The following TMEM209 variants were observed in gnomAD, a reference collection of about 807,000 sequenced individuals.
TMEM209 encodes the protein testicular tissue protein Li 202.
In TMEM209, 65 loss-of-function variants were observed where a neutral mutation model predicts 76.2. That is an observed-to-expected ratio of 0.85 (90% CI 0.70 to 1.05). TMEM209 has a LOEUF of 1.05. TMEM209 is among the 50% of genes least tolerant of loss of function. The pLI, the probability that TMEM209 is intolerant of heterozygous loss-of-function variation, is 0.00. For missense variants in TMEM209, 623 were observed against 685.5 expected (o/e 0.91, Z 1.02); for synonymous variants, 239 against 237.6 (o/e 1.01, Z -0.06).
intron 3 of TMEM209, 109 bp downstream of exon 3, chr7:130,203,679 G>A: frequency 1.1e-6 from 1 of 926,588 alleles, no homozygotes; most frequent in Non-Finnish European, 1.6e-6. Flanking sequence ...TTACAACCCA[G>A]CAGGCAGTCA....
chr7:130,188,616 A>AAAAAG (rs1562893209), intron 6 of TMEM209, among the ~76,000 whole-genome samples: 7 of 150,516 alleles, frequency 4.7e-5, no homozygotes, highest in African/African-American at 9.7e-5. Flanking sequence ...AAAAAAAAAA[A>AAAAAG]AAAAGAAAAT....
rs749607293 is a variant in TMEM209, at chr7:130,173,707, A to C, written c.1482T>G (p.Phe494Leu). ...GGTTGATAGCACTCTGATAAATGCA[A>C]AAAACATTCTCATTTGTAACATCTG... The part of the protein sequence containing the change: ...NKPDVTNENV[F>L]CIYQSAINPP... The change falls in exon 13 of 15, where the codon TTT (phenylalanine) becomes TTG (leucine). Residue 494 changes from phenylalanine to leucine, a missense_variant. Physicochemically the swap from Phe to Leu is conservative, Grantham distance 22. Transcript: ENST00000397622. The C allele has an allele frequency of 1.2e-6, 2 of 1,613,788 alleles. No individual in the cohort carries two copies. Among genetic ancestry groups the C allele is most frequent in the Admixed American group, 1.7e-5 (1 of 59,996 alleles).
intron 5 of TMEM209, chr7:130,199,851 A>G (rs1798125183): frequency 6.6e-6 from 1 of 152,220 alleles, no homozygotes; most frequent in African/African-American, 2.4e-5. Context: ...CAGTCAGTCC[A>G]CAATGAAACT....
chr7:130,182,641 C>T (rs1049859195), intron 8 of TMEM209, among the ~76,000 whole-genome samples: 1 of 152,196 alleles, frequency 6.6e-6, no homozygotes, highest in Non-Finnish European at 1.5e-5. Flanking sequence ...AAGGATACAT[C>T]CCATCTGGTT....
intron 5 of TMEM209, among the ~76,000 whole-genome samples, 196 bp downstream of exon 5, chr7:130,201,654 G>A (rs2117036783): frequency 6.6e-6 from 1 of 152,238 alleles, no homozygotes; most frequent in Non-Finnish European, 1.5e-5. Flanking sequence ...TGTTATCTCT[G>A]TAAATGCTAA....
intron 6 of TMEM209, among the ~76,000 whole-genome samples, chr7:130,186,453 T>C (rs1447739269): frequency 6.6e-6 from 1 of 152,192 alleles, no homozygotes; most frequent in East Asian, 1.9e-4. Flanking sequence ...CTGGCAAAAC[T>C]GACTTTAGGA....
intron 13 of TMEM209, among the ~76,000 whole-genome samples, chr7:130,171,240 T>C (rs1267878918): frequency 6.6e-6 from 1 of 152,168 alleles, no homozygotes; most frequent in Admixed American, 6.5e-5. Context: ...TATATCAGAA[T>C]ATACTTTAGC....
intron 5 of TMEM209, among the ~76,000 whole-genome samples, chr7:130,193,304 T>C (rs891217237): frequency 6.6e-6 from 1 of 152,096 alleles, no homozygotes; most frequent in Non-Finnish European, 1.5e-5. Flanking sequence ...CCAGCACTTT[T>C]GGAGGCTGAG....
At chr7:130,181,988 T>C in intron 8 of TMEM209, 1 of 300,572 alleles carries the variant, frequency 3.3e-6, no homozygotes, top group South Asian at 3.3e-5. Flanking sequence ...TTGCCCAGGC[T>C]GGAGTGCAAT....
At chr7:130,167,699 T>TC (rs1796925579) in intron 14 of TMEM209, among the ~76,000 whole-genome samples, 1 of 152,160 alleles carries the variant, frequency 6.6e-6, no homozygotes, top group Non-Finnish European at 1.5e-5. Context: ...AGATTTTTTT[T>TC]CCTTTTGCAA....
intron 9 of TMEM209, among the ~76,000 whole-genome samples, chr7:130,181,266 A>G (rs976766283): frequency 1.3e-5 from 2 of 152,218 alleles, no homozygotes; most frequent in Non-Finnish European, 2.9e-5. Flanking sequence ...AGGCCTATCT[A>G]TAGAGACAGA....
chr7:130,200,889 A>C (rs1798167088), intron 5 of TMEM209, among the ~76,000 whole-genome samples: 1 of 152,050 alleles, frequency 6.6e-6, no homozygotes, highest in Non-Finnish European at 1.5e-5. Context: ...GGAGATCGAG[A>C]CCATCCTGGC....
intron 5 of TMEM209, among the ~76,000 whole-genome samples, chr7:130,196,029 T>C (rs561131929): frequency 6.6e-6 from 1 of 152,290 alleles, no homozygotes; most frequent in African/African-American, 2.4e-5. Flanking sequence ...CAAGTTTATG[T>C]TAACATGTTG....
intron 5 of TMEM209, among the ~76,000 whole-genome samples, chr7:130,197,523 A>G (rs1798029984): frequency 6.6e-6 from 1 of 152,224 alleles, no homozygotes; most frequent in Non-Finnish European, 1.5e-5. Flanking sequence ...GATAAGTTCT[A>G]GAGACGGATG....
At chr7:130,169,580 T>C (rs959439105) in intron 14 of TMEM209, among the ~76,000 whole-genome samples, 4 of 152,222 alleles carry the variant, frequency 2.6e-5, no homozygotes, top group African/African-American at 4.8e-5. Context: ...CTTCAAGTGT[T>C]CAGTGCCACA....
chr7:130,194,437 C>A (rs183017314), intron 5 of TMEM209, among the ~76,000 whole-genome samples: 57 of 151,718 alleles, frequency 3.8e-4, no homozygotes, highest in Admixed American at 2.3e-3. Context: ...AGAGCAAGAC[C>A]CTATCTCTTA....
intron 6 of TMEM209, chr7:130,192,335 CA>C (rs1797825233): frequency 1.1e-5 from 4 of 372,566 alleles, no homozygotes; most frequent in Non-Finnish European, 2.0e-5. Context: ...CGCACTGCTT[CA>C]AAACATTATT....
At chr7:130,187,902 A>T (rs1271177167) in intron 6 of TMEM209, among the ~76,000 whole-genome samples, 1 of 152,152 alleles carries the variant, frequency 6.6e-6, no homozygotes, top group East Asian at 1.9e-4. Flanking sequence ...AAATTACATC[A>T]ATCACAAGGA....
intron 12 of TMEM209, 34 bp from the exon 13 acceptor site, chr7:130,173,763 C>A: frequency 6.2e-7 from 1 of 1,608,580 alleles, no homozygotes; most frequent in South Asian, 1.1e-5. Flanking sequence ...CATTAAAAAA[C>A]CAAACCCCCA....
Sources: gnomAD v4.1 joint callset for allele counts (sites outside exome capture counted in the v4.1 genomes callset) on GRCh38, gnomAD v4.1.1 for gene constraint, MANE v1.5 for transcripts, NCBI Gene and HGNC (gene_info 2026-07-23, HGNC 2026-07-21) for gene names.